The following ABTB3 variants were observed in gnomAD, a reference collection of about 807,000 sequenced individuals.
The protein encoded by ABTB3 is ankyrin repeat- and BTB/POZ domain-containing protein 3.
the ABTB3 span, among the ~76,000 whole-genome samples, chr12:107,583,962 ATCATCT>A: frequency 6.6e-6 from 1 of 152,236 alleles, no homozygotes; most frequent in Non-Finnish European, 1.5e-5. Context: ...CGATTTGGAA[ATCATCT>A]TCAAAGAGAA....
At chr12:107,441,774 C>CAAAAA in the ABTB3 span, among the ~76,000 whole-genome samples, 9 of 80,040 alleles carry the variant, frequency 1.1e-4, no homozygotes, top group African/African-American at 4.5e-4. Flanking sequence ...CTTGTCTCTA[C>CAAAAA]AAAAAAAAAA....
the ABTB3 span, among the ~76,000 whole-genome samples, chr12:107,541,059 T>C: frequency 6.6e-6 from 1 of 152,130 alleles, no homozygotes; most frequent in Non-Finnish European, 1.5e-5. Context: ...CTATAATCAA[T>C]CAATCAATCA....
chr12:107,577,341 A>G, the ABTB3 span, among the ~76,000 whole-genome samples: 1 of 152,222 alleles, frequency 6.6e-6, no homozygotes, highest in Non-Finnish European at 1.5e-5. Context: ...CCAGTGAGTT[A>G]CGGGCAGATC....
chr12:107,519,615 G>T, the ABTB3 span, among the ~76,000 whole-genome samples: 4 of 152,114 alleles, frequency 2.6e-5, no homozygotes, highest in Non-Finnish European at 4.4e-5. Context: ...ACCACACCAG[G>T]CCTAGGGCAT....
the ABTB3 span, among the ~76,000 whole-genome samples, chr12:107,444,125 T>G: frequency 3.3e-5 from 5 of 152,072 alleles, no homozygotes; most frequent in African/African-American, 1.2e-4. Flanking sequence ...ACCCTGGAAT[T>G]TGAGATAAGA....
At chr12:107,330,470 A>T in the ABTB3 span, among the ~76,000 whole-genome samples, 1 of 152,210 alleles carries the variant, frequency 6.6e-6, no homozygotes, top group African/African-American at 2.4e-5. Context: ...ACTCAATTTA[A>T]AAACAGAATT....
chr12:107,325,909 T>G, the ABTB3 span, among the ~76,000 whole-genome samples: 147 of 152,282 alleles, frequency 9.7e-4, 5 homozygotes, highest in South Asian at 0.024. Context: ...TCAGCTATGA[T>G]TATTATTATT....
chr12:107,657,859 G>A, the ABTB3 span: 4 of 800,170 alleles, frequency 5.0e-6, no homozygotes, highest in African/African-American at 3.5e-5. Context: ...ACGTGTTCCT[G>A]TTGAAAAACA....
the ABTB3 span, among the ~76,000 whole-genome samples, chr12:107,321,927 G>C: frequency 6.6e-6 from 1 of 152,090 alleles, no homozygotes; most frequent in African/African-American, 2.4e-5. Context: ...AGGCTCTAGT[G>C]TGGAAATCTG....
the ABTB3 span, chr12:107,618,505 C>T: frequency 7.7e-5 from 62 of 808,292 alleles, 1 homozygote; most frequent in South Asian, 1.1e-3. Context: ...CACGTGCACA[C>T]ACACACAAGG....
chr12:107,449,834 A>G, the ABTB3 span, among the ~76,000 whole-genome samples: 6 of 151,868 alleles, frequency 4.0e-5, no homozygotes, highest in Admixed American at 1.3e-4. Context: ...ATAGAGACAG[A>G]GTCTCACTTT....
At chr12:107,546,464 G>A in the ABTB3 span, among the ~76,000 whole-genome samples, 12 of 152,314 alleles carry the variant, frequency 7.9e-5, no homozygotes, top group Non-Finnish European at 1.8e-4. Flanking sequence ...CAGCTGGTCA[G>A]CAGGTCTTAC....
the ABTB3 span, among the ~76,000 whole-genome samples, chr12:107,407,448 C>G: frequency 3.3e-5 from 5 of 152,226 alleles, no homozygotes; most frequent in Admixed American, 3.3e-4. Flanking sequence ...GGCTTGGCCC[C>G]TTGCTGAGGT....
chr12:107,586,455 G>C, the ABTB3 span, among the ~76,000 whole-genome samples: 8 of 152,194 alleles, frequency 5.3e-5, no homozygotes, highest in African/African-American at 1.9e-4. Flanking sequence ...GTCCTTCACT[G>C]GCCCTGAACA....
At chr12:107,470,452 G>C in the ABTB3 span, among the ~76,000 whole-genome samples, 1 of 152,080 alleles carries the variant, frequency 6.6e-6, no homozygotes, top group Non-Finnish European at 1.5e-5. Context: ...GGAACATTGA[G>C]AGCCTACCCT....
chr12:107,409,594 A>G, the ABTB3 span, among the ~76,000 whole-genome samples: 1 of 152,256 alleles, frequency 6.6e-6, no homozygotes, highest in Non-Finnish European at 1.5e-5. Flanking sequence ...CAGCAAACTA[A>G]CACAGGAACA....
the ABTB3 span, among the ~76,000 whole-genome samples, chr12:107,379,066 C>T: frequency 6.6e-6 from 1 of 152,174 alleles, no homozygotes; most frequent in East Asian, 1.9e-4. Flanking sequence ...TGCTGAATGA[C>T]CTTAGGCAAT....
the ABTB3 span, among the ~76,000 whole-genome samples, chr12:107,521,263 TTGTGTGTG>T: frequency 0.12 from 17,572 of 142,892 alleles, 1,317 homozygotes; most frequent in East Asian, 0.25. Flanking sequence ...TTCATATAAG[TTGTGTGTG>T]TGTGTGTGTG....
chr12:107,480,149 G>A, the ABTB3 span, among the ~76,000 whole-genome samples: 4 of 152,136 alleles, frequency 2.6e-5, no homozygotes, highest in African/African-American at 4.8e-5. Context: ...AGAAGGAATG[G>A]CATGAACAAA....
Sources: gnomAD v4.1 joint callset for allele counts (sites outside exome capture counted in the v4.1 genomes callset) on GRCh38, gnomAD v4.1.1 for gene constraint, MANE v1.5 for transcripts, NCBI Gene and HGNC (gene_info 2026-07-23, HGNC 2026-07-21) for gene names.